Variants in IQSEC1 observed in about 807,000 individuals in gnomAD.
IQSEC1 encodes IQ motif and Sec7 domain ArfGEF 1.
A neutral mutation model predicts 91.0 loss-of-function variants in IQSEC1; 31 were observed. That is an observed-to-expected ratio of 0.34 (90% confidence interval 0.26 to 0.46). The LOEUF (loss-of-function observed/expected upper bound fraction) is 0.46, where lower values mean the gene tolerates loss of function less well. IQSEC1 is among the 20% of genes least tolerant of loss of function. The pLI is 1.00. For synonymous variants in IQSEC1, 699 were observed against 662.6 expected (o/e 1.05, Z -0.84); for missense variants, 1,388 against 1,575.6 (o/e 0.88, Z 2.02).
chr3:13,151,207 C>T (rs992351693), intron 2 of IQSEC1, among the ~76,000 whole-genome samples: 1 of 152,172 alleles, frequency 6.6e-6, no homozygotes, highest in African/African-American at 2.4e-5. Context: ...CAGCCACATG[C>T]CCACCTAACG....
At chr3:13,151,292 A>G (rs1241887225) in intron 2 of IQSEC1, among the ~76,000 whole-genome samples, 5 of 152,128 alleles carry the variant, frequency 3.3e-5, no homozygotes, top group Non-Finnish European at 7.4e-5. Flanking sequence ...TTCTGCCCCC[A>G]GTCACTCCCA....
At chr3:12,912,294 T>G (rs982325517) in intron 9 of IQSEC1, among the ~76,000 whole-genome samples, 1 of 151,958 alleles carries the variant, frequency 6.6e-6, no homozygotes, top group African/African-American at 2.4e-5. Context: ...AGAGGGGAGC[T>G]CACATCTCCC....
At chr3:13,097,659 A>G (rs889269348) in intron 2 of IQSEC1, among the ~76,000 whole-genome samples, 5 of 152,252 alleles carry the variant, frequency 3.3e-5, no homozygotes. Flanking sequence ...TTATTTCTCC[A>G]GCCATGCTTT....
rs1464756838 is a variant in IQSEC1 at position 13,214,252 on chromosome 3, GC to G, written c.273-50120del. On this transcript the variant is annotated intron_variant, in intron 1 of 15. Coordinates refer to the IQSEC1 transcript ENST00000648114. The surrounding 1 kb of genome is among the most constrained non-coding windows in gnomAD (Gnocchi z 4.5). Reference sequence around the variant, plus strand: ...AGCCTTTGAGAGCCAACCTGCCCTGGCCGGGTGAGACTAACCCTGTCTGAGT... The same window carrying G: ...AGCCTTTGAGAGCCAACCTGCCCTGGCGGGTGAGACTAACCCTGTCTGAGT... Among the ~76,000 whole-genome samples, 1 of 152,196 alleles carries G rather than the reference GC, an allele frequency of 6.6e-6. No homozygotes were observed. Among genetic ancestry groups the G allele is most frequent in the African/African-American group, 2.4e-5 (1 of 41,448 alleles).
chr3:13,276,070 C>T lies in IQSEC1; in HGVS notation c.272+6641G>A, dbSNP rs1576319771. Among the ~76,000 whole-genome samples the T allele has an allele frequency of 2.2e-5, 3 of 134,396 alleles. No individual in the cohort carries two copies. The South Asian group carries it at 7.8e-4, about 35-fold the overall frequency. 88.2% of individuals were successfully genotyped at this position (134,396 alleles called of 152,430 possible). A position where few individuals can be genotyped will look rare whatever the true frequency, so the allele number is the denominator to read the frequency against. ...TAAAACATTGAGGGAAAACAATCCTCAAAAGCATTCTTTTTTTTTTTTTTT... is the reference window on the plus strand; with the variant it reads ...TAAAACATTGAGGGAAAACAATCCTTAAAAGCATTCTTTTTTTTTTTTTTT... On this transcript the variant is annotated intron_variant, in intron 1 of 15. Coordinates refer to the IQSEC1 transcript ENST00000648114.
At chr3:13,027,766 G>A (rs1010966346) in intron 1 of IQSEC1, among the ~76,000 whole-genome samples, 16 of 152,134 alleles carry the variant, frequency 1.1e-4, no homozygotes, top group African/African-American at 3.6e-4. Flanking sequence ...GGGGGACTCC[G>A]ACTGGTCAAA....
chr3:13,184,922 T>C (rs1178745041), intron 1 of IQSEC1, among the ~76,000 whole-genome samples: 1 of 152,184 alleles, frequency 6.6e-6, no homozygotes, highest in Non-Finnish European at 1.5e-5. Context: ...GGCAGATAGA[T>C]GGACCTTCCT....
chr3:13,173,735 TCAGTTTCCCCATTTGTCACACATGGG>T (rs1395584103), intron 1 of IQSEC1, among the ~76,000 whole-genome samples: 4 of 152,218 alleles, frequency 2.6e-5, no homozygotes, highest in Admixed American at 2.0e-4. Flanking sequence ...TCTCCAAGCC[TCAGTTTCCCCATTTGTCACACATGGG>T]GTGGGTCCAG....
chr3:13,241,023 G>A lies in IQSEC1; in HGVS notation c.272+41688C>T, dbSNP rs75909299. ...TTGGCAGTGCACAGGTGGGCCCACC[G>A]TGTGATCACGTCTCCAAACCAGGCA... On this transcript the variant is annotated intron_variant, in intron 1 of 15. Transcript: ENST00000648114. Among the ~76,000 whole-genome samples, 1,084 of 152,276 alleles carry A rather than the reference G, an allele frequency of 7.1e-3. 17 individuals are homozygous for A. The highest frequency in any genetic ancestry group is 0.024 in the African/African-American group (1,012 of 41,548).
chr3:12,943,956 A>C (rs539778863), intron 1 of IQSEC1, among the ~76,000 whole-genome samples: 1 of 152,158 alleles, frequency 6.6e-6, no homozygotes, highest in African/African-American at 2.4e-5. Context: ...GGGGATGCCC[A>C]CCCCACTCCC....
intron 1 of IQSEC1, among the ~76,000 whole-genome samples, chr3:13,041,789 G>C (rs1268715284): frequency 6.6e-6 from 1 of 152,212 alleles, no homozygotes; most frequent in Non-Finnish European, 1.5e-5. Flanking sequence ...AAGAGGGAAA[G>C]TGACTCGCCC....
At chr3:13,233,916 G>C (rs1694876673) in intron 1 of IQSEC1, among the ~76,000 whole-genome samples, 1 of 152,214 alleles carries the variant, frequency 6.6e-6, no homozygotes, top group Non-Finnish European at 1.5e-5. Context: ...AAAAAGTGGG[G>C]AGGGTGAATC....
At chr3:13,058,251 C>A (rs528547731) in intron 1 of IQSEC1, among the ~76,000 whole-genome samples, 1 of 152,010 alleles carries the variant, frequency 6.6e-6, no homozygotes, top group Non-Finnish European at 1.5e-5. Context: ...CCAGCCTGGG[C>A]GACAGAGGGA....
In IQSEC1 at chr3:13,095,530, C is replaced by T. The variant is rs117213963; in HGVS notation, c.303-48008G>A. On this transcript the variant is annotated intron_variant, in intron 2 of 15. Transcript: ENST00000648114. ...GCATACCCAGCGCCTCCTCAGAGGCCGAGTTGCTTCCTGCTCAGTGATAAT... is the reference window on the plus strand; with the variant it reads ...GCATACCCAGCGCCTCCTCAGAGGCTGAGTTGCTTCCTGCTCAGTGATAAT... Among the ~76,000 whole-genome samples the T allele has an allele frequency of 9.2e-5, 14 of 152,202 alleles. 1 individual carries two copies. In the East Asian group the frequency reaches 2.7e-3, roughly 29 times the overall value.
intron 1 of IQSEC1, among the ~76,000 whole-genome samples, chr3:13,248,383 C>T (rs1695141691): frequency 6.6e-6 from 1 of 152,230 alleles, no homozygotes; most frequent in Non-Finnish European, 1.5e-5. Flanking sequence ...CCACCTCCCA[C>T]CTGACTCCCA....
chr3:12,984,201 C>T (rs1470894184), intron 1 of IQSEC1, among the ~76,000 whole-genome samples: 2 of 152,162 alleles, frequency 1.3e-5, no homozygotes, highest in African/African-American at 2.4e-5. Flanking sequence ...GTTTCCTTTC[C>T]CCTGGGGTTA....
chr3:12,972,501 A>G (rs992674869), intron 1 of IQSEC1, among the ~76,000 whole-genome samples: 2 of 152,182 alleles, frequency 1.3e-5, no homozygotes, highest in Non-Finnish European at 2.9e-5. Flanking sequence ...AACCACAAAA[A>G]TCGATAAGAC....
chr3:13,221,456 G>A (rs1576300038), intron 1 of IQSEC1, among the ~76,000 whole-genome samples: 1 of 152,340 alleles, frequency 6.6e-6, no homozygotes, highest in Non-Finnish European at 1.5e-5. Context: ...AGGGGGCACA[G>A]GAAGGGCCTT....
intron 1 of IQSEC1, among the ~76,000 whole-genome samples, chr3:13,035,423 C>G (rs1259024247): frequency 6.6e-6 from 1 of 152,184 alleles, no homozygotes; most frequent in Non-Finnish European, 1.5e-5. Flanking sequence ...CCCATCTCAG[C>G]TCTAAAACTC....
Sources: gnomAD v4.1 joint callset for allele counts (sites outside exome capture counted in the v4.1 genomes callset) on GRCh38, gnomAD v4.1.1 for gene constraint, Gnocchi (gnomAD v3.1) non-coding constraint, MANE v1.5 for transcripts, NCBI Gene and HGNC (gene_info 2026-07-23, HGNC 2026-07-21) for gene names.